Variants in RALGDS observed in about 807,000 individuals in gnomAD.
The protein encoded by RALGDS is ral guanine nucleotide exchange factor.
Under a neutral mutation model 99.8 loss-of-function variants are expected in RALGDS, and 44 were observed. That is an observed-to-expected ratio of 0.44 (90% confidence interval 0.35 to 0.57). RALGDS has a LOEUF of 0.57. RALGDS is among the 20% of genes least tolerant of loss of function. The pLI is 0.01. For synonymous variants in RALGDS, 529 were observed against 505.0 expected (o/e 1.05, Z -0.64); for missense variants, 1,022 against 1,203.1 (o/e 0.85, Z 2.23).
chr9:133,149,085 G>A (rs1243388891), exon 1 of RALGDS: 12 of 822,048 alleles, frequency 1.5e-5, no homozygotes, highest in Non-Finnish European at 1.9e-5. Context: ...CGGCTGCGGG[G>A]CTCATGGCGC....
At chr9:133,133,543 G>C (rs534115688), upstream of RALGDS, among the ~76,000 whole-genome samples, 1 of 152,356 alleles carries the variant, frequency 6.6e-6, no homozygotes, top group South Asian at 2.1e-4. Context: ...ATGGACAGCC[G>C]AGGCGCTGGG....
Position 133,116,682 on chromosome 9 carries a change from C to T in RALGDS, c.183+4290G>A, listed in dbSNP as rs554616932. On this transcript the variant is annotated intron_variant, in intron 1 of 17. Coordinates refer to ENST00000372050, the MANE Select transcript of RALGDS (RefSeq NM_006266.4). ...AACCAGCTACAGTGCCCAGCACATG[C>T]GGGCACTTCCTGGGTGCAAGGCCCT... Among the ~76,000 whole-genome samples the T allele has an allele frequency of 3.9e-5, 6 of 152,376 alleles. No individual in the cohort carries two copies. The South Asian group carries it at 1.2e-3, about 32-fold the overall frequency.
chr9:133,121,048 TC>T lies in RALGDS; in HGVS notation c.106del (p.Glu36ArgfsTer18). 6.7e-7 allele frequency: 1 copy of T among 1,492,274 alleles called. No individual in the cohort carries two copies. Among genetic ancestry groups the T allele is most frequent in the Non-Finnish European group, 8.9e-7 (1 of 1,127,476 alleles). 92.4% of individuals were successfully genotyped at this position (1,492,274 alleles called of 1,614,324 possible). Reference protein sequence around the residue: ...SRSVWDAVRLEVGVPDSCPVV... With the variant: ...SRSVWDAVRLXVGVPDSCPVV... ...CGGGCAGCTGTCGGGGACGCCCACC[TC>T]CAGGCGCACGGCGTCCCACACGCTG... is the stretch of plus-strand genomic sequence containing the variant. On this transcript the variant is annotated frameshift_variant, in exon 1 of 18. Transcript: ENST00000372050. LOFTEE classifies it high-confidence loss of function.
intron 1 of RALGDS, among the ~76,000 whole-genome samples, chr9:133,136,313 C>T (rs908208872): frequency 6.6e-6 from 1 of 152,206 alleles, no homozygotes; most frequent in African/African-American, 2.4e-5. Context: ...GAGGGGGCAG[C>T]GCGGGTATGG....
In RALGDS at chr9:133,121,181, C is replaced by CCGGCCCGGCGCGCGGCGGGGGCGGCTGCG. The variant is rs558777765; in HGVS notation, c.-28_-27insCGCAGCCGCCCCCGCCGCGCGCCGGGCCG. On this transcript the variant is annotated 5_prime_UTR_variant, in exon 1 of 18. Transcript: ENST00000372050. ...GAAGGCTCGCAGCGCGGGCGCGGGG[C>CCGGCCCGGCGCGCGGCGGGGGCGGCTGCG]CGGCCCGGCGCGCGGCGGGGGCGGC... 11 of 1,042,168 alleles carry CCGGCCCGGCGCGCGGCGGGGGCGGCTGCG rather than the reference C, an allele frequency of 1.1e-5. No individual in the cohort carries two copies. The highest frequency in any genetic ancestry group is 1.3e-5 in the Non-Finnish European group (11 of 868,830). The allele number at this position is 1,042,168 out of a possible 1,614,324, so 64.6% of individuals were successfully genotyped here.
chr9:133,138,848 T>A (rs1349772951), intron 1 of RALGDS, among the ~76,000 whole-genome samples: 1 of 152,228 alleles, frequency 6.6e-6, no homozygotes, highest in African/African-American at 2.4e-5. Flanking sequence ...TTAGCCAGGC[T>A]GGCCTCAAAC....
At chr9:133,132,529 T>C (rs615940), upstream of RALGDS, among the ~76,000 whole-genome samples, 50,667 of 152,082 alleles carry the variant, frequency 0.33, 8,894 homozygotes, top group East Asian at 0.56. Context: ...CCTCGCAGCC[T>C]AGCCCCGTAG....
At chr9:133,132,857 T>G (rs1370829689), upstream of RALGDS, among the ~76,000 whole-genome samples, 2 of 152,096 alleles carry the variant, frequency 1.3e-5, no homozygotes, top group Non-Finnish European at 2.9e-5. Context: ...CAGGATGGTC[T>G]CAAACTCCTG....
rs1261471350 is a variant in RALGDS, at chr9:133,108,013, G to A, written c.1172C>T (p.Ala391Val). Residue 391 changes from alanine to valine, a missense_variant, in exon 6 of 18, where the codon GCA becomes GTA. By Grantham distance (64) the Ala-to-Val change is moderately conservative. This residue lies in a region of RALGDS where 825 missense variants were observed against 994.5 expected (regional missense o/e 0.83). Transcript: ENST00000372050. ...CGCATCCATCAGTGTAAACTGCTCT[G>A]CCACCAGATCTGGAGGGAACACCAA... ...HLLVFPPDLV[A>V]EQFTLMDAEL... The A allele has an allele frequency of 6.2e-7, 1 of 1,613,378 alleles. No individual in the cohort carries two copies. Among genetic ancestry groups the A allele is most frequent in the Non-Finnish European group, 8.5e-7 (1 of 1,180,042 alleles).
intron 1 of RALGDS, among the ~76,000 whole-genome samples, chr9:133,113,696 G>A (rs780187383): frequency 6.6e-6 from 1 of 152,158 alleles, no homozygotes; most frequent in Non-Finnish European, 1.5e-5. Context: ...AGCATTAGAG[G>A]TTACAGCGAC....
chr9:133,106,617 CCAGGAG>C (rs1175035937), intron 8 of RALGDS, 22 bp downstream of exon 8: 2 of 1,537,852 alleles, frequency 1.3e-6, no homozygotes, highest in Non-Finnish European at 1.8e-6. Context: ...CCCTGGTGCA[CCAGGAG>C]CTCCTACAGA....
At chr9:133,098,982 A>G (rs1187867809) in intron 17 of RALGDS, 1 of 561,932 alleles carries the variant, frequency 1.8e-6, no homozygotes, top group Non-Finnish European at 3.2e-6. Context: ...TTAAACAGGG[A>G]CTGACTCCAG....
At chr9:133,113,645 CAT>C (rs1001798117) in intron 1 of RALGDS, among the ~76,000 whole-genome samples, 52 of 152,338 alleles carry the variant, frequency 3.4e-4, no homozygotes, top group South Asian at 2.7e-3. Context: ...CTGACTCACA[CAT>C]CTCTCCCCTG....
intron 4 of RALGDS, 112 bp downstream of exon 4, chr9:133,109,514 T>C: frequency 1.0e-6 from 1 of 952,452 alleles, no homozygotes; most frequent in East Asian, 2.4e-5. Flanking sequence ...CCACAAGAGG[T>C]GTGGGAGCCA....
rs1453338935 is a variant in RALGDS at position 133,104,178 on chromosome 9, T to C, written c.1671+85A>G. On this transcript the variant is annotated intron_variant, in intron 10 of 17. Transcript: ENST00000372050. ...AGGAGGCTACCTCTAATGGGGCCCATAGGCACCGTGGCTAGAGAGGAAAGG... is the reference window on the plus strand; with the variant it reads ...AGGAGGCTACCTCTAATGGGGCCCACAGGCACCGTGGCTAGAGAGGAAAGG... 14 of 1,403,954 alleles carry C rather than the reference T, an allele frequency of 1.0e-5. No individual in the cohort carries two copies. The East Asian group carries it at 2.1e-4, about 21-fold the overall frequency. 87.0% of individuals were successfully genotyped at this position (1,403,954 alleles called of 1,614,324 possible).
At chr9:133,114,043 G>A (rs1043187463) in intron 1 of RALGDS, among the ~76,000 whole-genome samples, 3 of 152,224 alleles carry the variant, frequency 2.0e-5, no homozygotes, top group Non-Finnish European at 4.4e-5. Context: ...CTGTCCCTGA[G>A]CAGGTCTAGA....
chr9:133,129,825 TTTTTC>T (rs1390169658), intron 1 of RALGDS, among the ~76,000 whole-genome samples: 1 of 133,182 alleles, frequency 7.5e-6, no homozygotes. Context: ...TTTTTTTTTT[TTTTTC>T]CCTGAGATGG....
At chr9:133,099,675 T>C (rs1243926060) in intron 17 of RALGDS, 1 of 150,992 alleles carries the variant, frequency 6.6e-6, no homozygotes, top group African/African-American at 2.7e-5. Context: ...TACATACATA[T>C]AGATTTTTAC....
At chr9:133,118,042 T>A (rs1227211146) in intron 1 of RALGDS, among the ~76,000 whole-genome samples, 1 of 152,038 alleles carries the variant, frequency 6.6e-6, no homozygotes, top group Non-Finnish European at 1.5e-5. Context: ...TGCCTGAGCA[T>A]CCCCCGCCTG....
Sources: allele counts gnomAD v4.1 joint callset (sites outside exome capture counted in the v4.1 genomes callset), GRCh38; gene constraint gnomAD v4.1.1; regional missense constraint gnomAD v4.1.1; transcripts MANE v1.5; gene names NCBI Gene and HGNC (gene_info 2026-07-23, HGNC 2026-07-21).